The following FGF14 variants were observed in gnomAD, a reference collection of about 807,000 sequenced individuals.
FGF14 encodes the protein fibroblast growth factor homologous factor 4.
In FGF14, 5 loss-of-function variants were observed where a neutral mutation model predicts 25.5. That is an observed-to-expected ratio of 0.20 (90% CI 0.10 to 0.41). FGF14 has a LOEUF of 0.41. Ranked by LOEUF, FGF14 falls within the 10% of genes least tolerant of loss-of-function variation. The pLI, the probability that FGF14 is intolerant of heterozygous loss-of-function variation, is 1.00. For synonymous variants in FGF14, 138 were observed against 118.3 expected (o/e 1.17, Z -1.08); for missense variants, 222 against 320.1 (o/e 0.69, Z 2.34).
chr13:102,039,043 T>C (rs893833128), intron 1 of FGF14, among the ~76,000 whole-genome samples: 1 of 152,110 alleles, frequency 6.6e-6, no homozygotes, highest in Non-Finnish European at 1.5e-5. Flanking sequence ...TTATCCTCAT[T>C]ATGTAATAGG....
At chr13:101,746,816 A>G (rs180977056) in intron 3 of FGF14, among the ~76,000 whole-genome samples, 1 of 152,082 alleles carries the variant, frequency 6.6e-6, no homozygotes, top group East Asian at 1.9e-4. Context: ...CACATGGGAA[A>G]CCCCTTAAAA....
intron 3 of FGF14, among the ~76,000 whole-genome samples, chr13:101,798,231 A>G (rs1322716926): frequency 6.6e-6 from 1 of 152,136 alleles, no homozygotes; most frequent in Non-Finnish European, 1.5e-5. Context: ...AGTAAGCATA[A>G]AAACAAAACA....
chr13:101,988,087 A>G (rs2038693104), intron 1 of FGF14, among the ~76,000 whole-genome samples: 1 of 152,120 alleles, frequency 6.6e-6, no homozygotes, highest in Non-Finnish European at 1.5e-5. Flanking sequence ...ACAATAATTT[A>G]GTTTTAGAAA....
intron 1 of FGF14, among the ~76,000 whole-genome samples, chr13:102,126,026 A>G (rs1449213463): frequency 6.6e-6 from 1 of 152,168 alleles, no homozygotes; most frequent in East Asian, 1.9e-4. Context: ...CATGGTTACC[A>G]GCATCATTCA....
chr13:101,897,874 C>G (rs1358837108), intron 1 of FGF14, among the ~76,000 whole-genome samples: 1 of 151,462 alleles, frequency 6.6e-6, no homozygotes. Flanking sequence ...TTCATTGAAG[C>G]CTTTAGGATT....
At chr13:101,835,673 C>T (rs1050008321) in intron 3 of FGF14, among the ~76,000 whole-genome samples, 3 of 151,962 alleles carry the variant, frequency 2.0e-5, no homozygotes, top group African/African-American at 7.2e-5. Context: ...CTCAAATACA[C>T]AATAAGCTCT....
intron 1 of FGF14, among the ~76,000 whole-genome samples, chr13:102,131,101 T>C (rs1226642570): frequency 6.6e-6 from 1 of 152,194 alleles, no homozygotes. Context: ...ATTGATGTGT[T>C]TCTGGTGTCC....
At chr13:101,993,618 G>A (rs1431275669) in intron 1 of FGF14, among the ~76,000 whole-genome samples, 1 of 152,044 alleles carries the variant, frequency 6.6e-6, no homozygotes, top group Non-Finnish European at 1.5e-5. Flanking sequence ...AAGCAGTATT[G>A]TGTTATTTAA....
chr13:101,812,792 G>A (rs368118506), intron 3 of FGF14, among the ~76,000 whole-genome samples: 2 of 148,078 alleles, frequency 1.4e-5, no homozygotes, highest in East Asian at 2.0e-4. Flanking sequence ...TCAGCCTCCT[G>A]AGTAGCTGGG....
At chr13:102,346,284 C>T (rs1167788401) in intron 1 of FGF14, among the ~76,000 whole-genome samples, 1 of 152,008 alleles carries the variant, frequency 6.6e-6, no homozygotes, top group Non-Finnish European at 1.5e-5. Context: ...CTAAATAAAC[C>T]ATATGGCTAT....
At chr13:102,085,674 G>C (rs904321161) in intron 1 of FGF14, among the ~76,000 whole-genome samples, 7 of 152,148 alleles carry the variant, frequency 4.6e-5, no homozygotes, top group Non-Finnish European at 7.4e-5. Context: ...TTATTAAGGT[G>C]AGAATAAATG....
At chr13:101,898,107 C>T (rs2030981011) in intron 1 of FGF14, among the ~76,000 whole-genome samples, 1 of 151,986 alleles carries the variant, frequency 6.6e-6, no homozygotes, top group Non-Finnish European at 1.5e-5. Flanking sequence ...GTTGGCCAGG[C>T]TGGTATTGAA....
chr13:102,040,044 C>A (rs1188982184), intron 1 of FGF14, among the ~76,000 whole-genome samples: 1 of 152,076 alleles, frequency 6.6e-6, no homozygotes, highest in Non-Finnish European at 1.5e-5. Flanking sequence ...AACTACAGGC[C>A]TCTCTGAAAA....
intron 1 of FGF14, among the ~76,000 whole-genome samples, chr13:102,086,419 A>C (rs2043906138): frequency 1.3e-5 from 2 of 151,864 alleles, no homozygotes; most frequent in Non-Finnish European, 2.9e-5. Context: ...AGTCCCAGCT[A>C]CTCGGGAGGC....
At chr13:102,401,866 G>A (rs956699874), upstream of FGF14, 2 of 622,410 alleles carry the variant, frequency 3.2e-6, no homozygotes, top group African/African-American at 3.7e-5. Flanking sequence ...AAACAGAAAA[G>A]CAAAGAGATC....
At chr13:101,777,547 G>A (rs1434477868) in intron 3 of FGF14, among the ~76,000 whole-genome samples, 2 of 152,158 alleles carry the variant, frequency 1.3e-5, no homozygotes, top group Non-Finnish European at 2.9e-5. Flanking sequence ...AACTGCAAAT[G>A]AGAATGACTC....
chr13:101,943,826 A>AAAATATATATATATAT (rs1555324449), intron 1 of FGF14, among the ~76,000 whole-genome samples: 5 of 126,808 alleles, frequency 3.9e-5, no homozygotes, highest in African/African-American at 1.7e-4. Context: ...AAAAAAAAAA[A>AAAATATATATATATAT]ATATATATAT....
At chr13:102,211,286 A>G (rs2050147674) in intron 1 of FGF14, among the ~76,000 whole-genome samples, 1 of 152,126 alleles carries the variant, frequency 6.6e-6, no homozygotes, top group Non-Finnish European at 1.5e-5. Flanking sequence ...AAAAATACAT[A>G]TTAATAATAA....
intron 3 of FGF14, among the ~76,000 whole-genome samples, chr13:101,734,922 C>CA (rs1486545210): frequency 2.0e-5 from 3 of 152,114 alleles, no homozygotes; most frequent in African/African-American, 7.2e-5. Context: ...TGATCAATTG[C>CA]AAAAATGATT....
Sources: gnomAD v4.1 joint callset for allele counts (sites outside exome capture counted in the v4.1 genomes callset) on GRCh38, gnomAD v4.1.1 for gene constraint, MANE v1.5 for transcripts, NCBI Gene and HGNC (gene_info 2026-07-23, HGNC 2026-07-21) for gene names.